Variants in GSK3B observed in about 807,000 individuals in gnomAD.
The protein encoded by GSK3B is glycogen synthase kinase 3 beta.
In GSK3B, 15 loss-of-function variants were observed where a neutral mutation model predicts 56.4. The ratio of observed to expected loss-of-function variants is 0.27; its 90% CI spans 0.18 to 0.41. The LOEUF is 0.41. Among genes scored for constraint, GSK3B ranks in the 10% least tolerant of loss-of-function variants. The pLI is 1.00. For missense variants in GSK3B, 300 were observed against 513.4 expected (o/e 0.58, Z 4.02); for synonymous variants, 181 against 188.9 (o/e 0.96, Z 0.34).
chr3:119,889,027 A>G, intron 7 of GSK3B, among the ~76,000 whole-genome samples: 1 of 151,990 alleles, frequency 6.6e-6, no homozygotes, highest in Admixed American at 6.6e-5. Context: ...CAGAACATAG[A>G]CCCTTATCAA....
intron 1 of GSK3B, among the ~76,000 whole-genome samples, chr3:120,018,147 A>G (rs1287383393): frequency 6.6e-6 from 1 of 152,218 alleles, no homozygotes; most frequent in Non-Finnish European, 1.5e-5. Context: ...GATCCAAGCA[A>G]CAGTCCTACA....
chr3:119,843,113 C>T (rs1577309545), intron 10 of GSK3B, 142 bp downstream of exon 10: 1 of 396,120 alleles, frequency 2.5e-6, no homozygotes, highest in Non-Finnish European at 4.9e-6. Context: ...CAAGGTTTCA[C>T]CTTGTTGGTC....
At chr3:120,073,212 A>G (rs1309241546) in intron 1 of GSK3B, among the ~76,000 whole-genome samples, 1 of 146,984 alleles carries the variant, frequency 6.8e-6, no homozygotes, top group African/African-American at 2.5e-5. Context: ...ATCTCTACAA[A>G]AAAAATTAAA....
intron 7 of GSK3B, among the ~76,000 whole-genome samples, chr3:119,881,287 A>T (rs1460512270): frequency 6.6e-6 from 1 of 152,174 alleles, no homozygotes; most frequent in African/African-American, 2.4e-5. Flanking sequence ...AAAAATAAAT[A>T]AAAAACATAA....
chr3:119,944,657 T>C (rs531588983), intron 3 of GSK3B, among the ~76,000 whole-genome samples: 31 of 152,278 alleles, frequency 2.0e-4, no homozygotes, highest in African/African-American at 6.3e-4. Flanking sequence ...ACTTTGTCAA[T>C]GTCACTTCTC....
At chr3:119,829,615 T>A (rs2055567718) in intron 10 of GSK3B, among the ~76,000 whole-genome samples, 1 of 152,254 alleles carries the variant, frequency 6.6e-6, no homozygotes, top group South Asian at 2.1e-4. Flanking sequence ...AGCAAAATCC[T>A]ATTTGGCATT....
At chr3:119,989,794 A>T (rs529853291) in intron 2 of GSK3B, among the ~76,000 whole-genome samples, 1 of 152,194 alleles carries the variant, frequency 6.6e-6, no homozygotes, top group African/African-American at 2.4e-5. Flanking sequence ...TACCCTGCCC[A>T]ATTAACCTTT....
intron 1 of GSK3B, among the ~76,000 whole-genome samples, chr3:120,044,316 A>C (rs2058086111): frequency 6.6e-6 from 1 of 152,194 alleles, no homozygotes; most frequent in African/African-American, 2.4e-5. Flanking sequence ...CAGTGAGCTT[A>C]GGCCCTTCCA....
At chr3:119,985,083 C>A (rs1457451957) in intron 2 of GSK3B, among the ~76,000 whole-genome samples, 1 of 152,142 alleles carries the variant, frequency 6.6e-6, no homozygotes, top group Non-Finnish European at 1.5e-5. Flanking sequence ...GAACCAAAGA[C>A]AAAAACCACA....
chr3:120,086,068 C>G (rs77315194), intron 1 of GSK3B, among the ~76,000 whole-genome samples: 2,410 of 152,172 alleles, frequency 0.016, 62 homozygotes, highest in African/African-American at 0.055. Flanking sequence ...AAAAGTTCCT[C>G]TCTACATAGC....
At chr3:120,001,295 G>T (rs1424729392) in intron 2 of GSK3B, among the ~76,000 whole-genome samples, 1 of 152,094 alleles carries the variant, frequency 6.6e-6, no homozygotes, top group Admixed American at 6.5e-5. Context: ...ACTTTGGGAG[G>T]CTGAGACAGG....
chr3:120,068,957 A>C (rs2058304121), intron 1 of GSK3B, among the ~76,000 whole-genome samples: 1 of 152,120 alleles, frequency 6.6e-6, no homozygotes, highest in Non-Finnish European at 1.5e-5. Flanking sequence ...AGTTTAATAA[A>C]AATTACTCCA....
rs1278438875 is a variant in GSK3B, at chr3:119,825,932, A to G, written c.*856T>C. 4 of 214,610 alleles carry G rather than the reference A, an allele frequency of 1.9e-5. No individual in the cohort carries two copies. Among genetic ancestry groups the G allele is most frequent in the Non-Finnish European group, 2.8e-5 (3 of 106,510 alleles). 13.3% of individuals were successfully genotyped at this position (214,610 alleles called of 1,614,324 possible). A position where few individuals can be genotyped will look rare whatever the true frequency, so the allele number is the denominator to read the frequency against. ...TCATCAGCCTTTGACCTCAGCAGCTAGCTCAGCCTGCTCAACACCCCTTCC... is the reference window on the plus strand; with the variant it reads ...TCATCAGCCTTTGACCTCAGCAGCTGGCTCAGCCTGCTCAACACCCCTTCC... On this transcript the variant is annotated 3_prime_UTR_variant, in exon 11 of 11. Coordinates refer to ENST00000264235, the MANE Select transcript of GSK3B (RefSeq NM_001146156.2).
rs2055467031 is a variant in GSK3B at position 119,824,374 on chromosome 3, A to C, written c.*2414T>G. 9.0e-6 allele frequency: 2 copies of C among 222,322 alleles called. No individual in the cohort carries two copies. 13.8% of individuals were successfully genotyped at this position (222,322 alleles called of 1,614,324 possible). A position where few individuals can be genotyped will look rare whatever the true frequency, so the allele number is the denominator to read the frequency against. On this transcript the variant is annotated 3_prime_UTR_variant, in exon 11 of 11. Transcript: ENST00000264235. Reference sequence around the variant, plus strand: ...ACACGCACACATGCACACACAATGAAATGAGAGAAAAGCGTGACTTTTCTC... The same window carrying C: ...ACACGCACACATGCACACACAATGACATGAGAGAAAAGCGTGACTTTTCTC...
At chr3:119,928,006 C>T (rs969164260) in intron 3 of GSK3B, among the ~76,000 whole-genome samples, 2 of 152,158 alleles carry the variant, frequency 1.3e-5, no homozygotes, top group Admixed American at 6.5e-5. Context: ...TACCCAATAT[C>T]TTGGTGTATC....
intron 10 of GSK3B, among the ~76,000 whole-genome samples, chr3:119,838,435 G>A (rs2055725594): frequency 6.6e-6 from 1 of 152,012 alleles, no homozygotes; most frequent in Non-Finnish European, 1.5e-5. Context: ...TGTTTTTTAG[G>A]AAAAAAATCA....
intron 1 of GSK3B, among the ~76,000 whole-genome samples, chr3:120,061,943 G>A (rs1018408113): frequency 2.0e-5 from 3 of 152,004 alleles, no homozygotes; most frequent in Non-Finnish European, 4.4e-5. Flanking sequence ...TGTTGGTCAC[G>A]GTGGTCTCGA....
chr3:120,093,382 T>G lies in GSK3B; in HGVS notation c.53A>C (p.Gln18Pro). 1 of 1,613,886 alleles carries G rather than the reference T, an allele frequency of 6.2e-7. No individual in the cohort carries two copies. Among genetic ancestry groups the G allele is most frequent in the Non-Finnish European group, 8.5e-7 (1 of 1,179,754 alleles). The change falls in exon 1 of 11, where the codon CAG becomes CCG. Residue 18 changes from glutamine to proline, a missense_variant. Physicochemically the swap from Gln to Pro is moderately conservative, Grantham distance 76. Transcript: ENST00000264235. Reference sequence around the variant, plus strand: ...CATGCTGCCAAAAGCTGAAGGCTGCTGCACCGGCTTGCAGCTCTCCGCAAA... The same window carrying G: ...CATGCTGCCAAAAGCTGAAGGCTGCGGCACCGGCTTGCAGCTCTCCGCAAA... The part of the protein sequence containing the change: ...TSFAESCKPV[Q>P]QPSAFGSMKV...
intron 1 of GSK3B, chr3:120,028,973 T>C (rs1342737252): frequency 5.2e-6 from 3 of 578,562 alleles, no homozygotes; most frequent in Non-Finnish European, 9.6e-6. Context: ...AGTGCTTTGG[T>C]TCCTCCTGTG....
Sources: gnomAD v4.1 joint callset for allele counts (sites outside exome capture counted in the v4.1 genomes callset) on GRCh38, gnomAD v4.1.1 for gene constraint, MANE v1.5 for transcripts, NCBI Gene and HGNC (gene_info 2026-07-23, HGNC 2026-07-21) for gene names.